The following BICRA variants were observed in gnomAD, a reference collection of about 807,000 sequenced individuals.
The protein encoded by BICRA is BRD4 interacting chromatin remodeling complex associated protein, also known as BRD4-interacting chromatin-remodeling complex-associated protein.
In BICRA, 31 loss-of-function variants were observed where a neutral mutation model predicts 96.9. The ratio of observed to expected loss-of-function variants is 0.32; its 90% CI spans 0.24 to 0.43. The LOEUF (loss-of-function observed/expected upper bound fraction) is 0.43. BICRA is among the 20% of genes least tolerant of loss of function. BICRA has a pLI of 1.00. For synonymous variants in BICRA, 1,350 were observed against 1,071.8 expected (o/e 1.26, Z -5.07); for missense variants, 2,283 against 2,190.3 (o/e 1.04, Z -0.84).
intron 1 of BICRA, among the ~76,000 whole-genome samples, chr19:47,630,159 C>CTTTTTT (rs778786532): frequency 8.7e-5 from 9 of 103,430 alleles, no homozygotes; most frequent in Non-Finnish European, 1.1e-4. Context: ...TTGGCCAATT[C>CTTTTTT]TTTTTTTTTT....
intron 1 of BICRA, among the ~76,000 whole-genome samples, chr19:47,611,119 C>T (rs1409236579): frequency 6.7e-6 from 1 of 149,146 alleles, no homozygotes; most frequent in East Asian, 1.9e-4. Context: ...CCCTGGGTCA[C>T]ACAGAGCCCC....
At chr19:47,622,597 G>A (rs1322158645) in intron 1 of BICRA, among the ~76,000 whole-genome samples, 5 of 151,254 alleles carry the variant, frequency 3.3e-5, no homozygotes, top group African/African-American at 9.7e-5. Context: ...AGTGGCTGGC[G>A]CCTGTAGTCC....
chr19:47,633,521 A>G (rs1354079341), intron 1 of BICRA, among the ~76,000 whole-genome samples: 3 of 152,144 alleles, frequency 2.0e-5, no homozygotes, highest in Admixed American at 1.3e-4. Flanking sequence ...TTTTAAATTT[A>G]AGGCCTAATA....
rs537190582 is a variant in BICRA, at chr19:47,694,082, C to G, written c.2284-33C>G. The G allele has an allele frequency of 1.1e-5, 15 of 1,424,242 alleles. 1 individual carries two copies. In the East Asian group the frequency reaches 2.7e-4, roughly 26 times the overall value. 88.2% of individuals were successfully genotyped at this position (1,424,242 alleles called of 1,614,324 possible). ...AGGAGCTATGGTTGGTTCTGACCCC[C>G]GCCCCTCCCCTCTCCCTCCCTCCCC... is the stretch of plus-strand genomic sequence containing the variant. On this transcript the variant is annotated intron_variant, in intron 7 of 14. Transcript: ENST00000594866.
In BICRA at chr19:47,702,638, C is replaced by T. The variant is rs936913599; in HGVS notation, c.*223C>T. 1 of 536,042 alleles carries T rather than the reference C, an allele frequency of 1.9e-6. No individual in the cohort carries two copies. Among genetic ancestry groups the T allele is most frequent in the Non-Finnish European group, 3.2e-6 (1 of 314,084 alleles). The allele number at this position is 536,042 out of a possible 1,614,324, so 33.2% of individuals were successfully genotyped here. ...GGGGGCTGTGATGTAAAACGTCTCC[C>T]CTGCCAAAGGAGGGGCAAAGTGCTG... On this transcript the variant is annotated 3_prime_UTR_variant, in exon 15 of 15. Transcript: ENST00000594866.
At chr19:47,645,662 T>C (rs971346550) in intron 1 of BICRA, among the ~76,000 whole-genome samples, 16 of 152,200 alleles carry the variant, frequency 1.1e-4, no homozygotes, top group Admixed American at 9.2e-4. Context: ...AAAAGTAGCT[T>C]GTAATCCTGT....
Position 47,699,288 on chromosome 19 carries a change from T to C in BICRA, c.3493-15T>C, listed in dbSNP as rs761541302. On this transcript the variant is annotated splice_polypyrimidine_tract_variant and intron_variant, in intron 13 of 14. Transcript: ENST00000594866. This position sits in a 1 kb window ranked among gnomAD's most constrained non-coding sequence, Gnocchi z 5.0. ...TTGCTGGTTCACTCGCACGTCGTCT[T>C]TTCCCCCACCCCAGAGGGTGAGCCC... 27 of 1,500,030 alleles carry C rather than the reference T, an allele frequency of 1.8e-5. No homozygotes were observed. The South Asian group carries it at 2.9e-4, about 16-fold the overall frequency. 92.9% of individuals were successfully genotyped at this position (1,500,030 alleles called of 1,614,324 possible).
At chr19:47,663,652 CTGTGG>C (rs1287903854) in intron 1 of BICRA, 2 of 152,194 alleles carry the variant, frequency 1.3e-5, no homozygotes, top group African/African-American at 4.8e-5. Flanking sequence ...ATTTGCACAA[CTGTGG>C]TTACTCTAAC....
At position 47,699,135 on chromosome 19, in the gene BICRA, G is replaced by A. The variant is rs1973399259; in HGVS notation, c.3492+76G>A. 8 of 1,142,516 alleles carry A rather than the reference G, an allele frequency of 7.0e-6. No homozygotes were observed. The highest frequency in any genetic ancestry group is 4.0e-5 in the Admixed American group (2 of 50,460). The allele number at this position is 1,142,516 out of a possible 1,614,324, so 70.8% of individuals were successfully genotyped here. Reference sequence around the variant, plus strand: ...CTGCCCCTTTCCCTCACCCGCTCTGGGCAAGGTGGAGCCTCCCGCCCCTCC... The same window carrying A: ...CTGCCCCTTTCCCTCACCCGCTCTGAGCAAGGTGGAGCCTCCCGCCCCTCC... On this transcript the variant is annotated intron_variant, in intron 13 of 14. Coordinates refer to ENST00000594866, the MANE Select transcript of BICRA (RefSeq NM_001394372.1). The surrounding 1 kb of genome is among the most constrained non-coding windows in gnomAD (Gnocchi z 5.0).
chr19:47,638,507 C>T (rs1482741492), intron 1 of BICRA, among the ~76,000 whole-genome samples: 1 of 152,142 alleles, frequency 6.6e-6, no homozygotes, highest in Non-Finnish European at 1.5e-5. Flanking sequence ...CGTCCTCTTC[C>T]CAGAGGCAAC....
At chr19:47,621,657 A>G (rs1381141998) in intron 1 of BICRA, among the ~76,000 whole-genome samples, 1 of 151,148 alleles carries the variant, frequency 6.6e-6, no homozygotes, top group Non-Finnish European at 1.5e-5. Flanking sequence ...TATTTTTAGT[A>G]GAGAGGGGGT....
In BICRA at chr19:47,620,667, C is replaced by CAAAAAAAAAAAAAA. The variant is rs10675281; in HGVS notation, c.-108+11508_-108+11521dup. 5.2e-4 allele frequency among the ~76,000 whole-genome samples: 35 copies of CAAAAAAAAAAAAAA among 67,616 alleles called. 2 individuals carry two copies. The highest frequency in any genetic ancestry group is 6.2e-4 in the Non-Finnish European group (24 of 38,854). The allele number at this position is 67,616 out of a possible 152,430, so 44.4% of individuals were successfully genotyped here. On this transcript the variant is annotated intron_variant, in intron 1 of 14. Coordinates refer to ENST00000594866, the MANE Select transcript of BICRA (RefSeq NM_001394372.1). ...CTTGGGCGACAGAGTGAGACTGTCT[C>CAAAAAAAAAAAAAA]AAAAAAAAAAAAAAAAAAAAAACAA...
Position 47,681,282 on chromosome 19 carries a change from C to T in BICRA, c.2106+6C>T. The T allele has an allele frequency of 6.5e-7, 1 of 1,542,640 alleles. No individual in the cohort carries two copies. Among genetic ancestry groups the T allele is most frequent in the East Asian group, 2.4e-5 (1 of 41,904 alleles). Reference sequence around the variant, plus strand: ...TGCAGATGTTCCTGCCCCAGGTAAGCAGGGCGGGGCAAGGGAGCAGGTACC... The same window carrying T: ...TGCAGATGTTCCTGCCCCAGGTAAGTAGGGCGGGGCAAGGGAGCAGGTACC... On this transcript the variant is annotated splice_donor_region_variant and intron_variant, in intron 6 of 14. Transcript: ENST00000594866.
rs1301943497 is a variant in BICRA, at chr19:47,675,743, T to A, written c.85-108T>A. On this transcript the variant is annotated intron_variant, in intron 4 of 14. Coordinates refer to ENST00000594866, the MANE Select transcript of BICRA (RefSeq NM_001394372.1). This position sits in a 1 kb window ranked among gnomAD's most constrained non-coding sequence, Gnocchi z 4.7. ...TTCCCATACCCCCAGCCCTCTCCCATCCCAACCCTTGTCTTTTTGTCCTGA... is the reference window on the plus strand; with the variant it reads ...TTCCCATACCCCCAGCCCTCTCCCAACCCAACCCTTGTCTTTTTGTCCTGA... 1.2e-6 allele frequency: 1 copy of A among 851,008 alleles called. No individual in the cohort carries two copies. Among genetic ancestry groups the A allele is most frequent in the Non-Finnish European group, 2.0e-6 (1 of 508,730 alleles). 52.7% of individuals were successfully genotyped at this position (851,008 alleles called of 1,614,324 possible). A position where few individuals can be genotyped will look rare whatever the true frequency, so the allele number is the denominator to read the frequency against.
chr19:47,677,689 T>A (rs553991634), intron 5 of BICRA, among the ~76,000 whole-genome samples: 6 of 152,166 alleles, frequency 3.9e-5, no homozygotes, highest in Non-Finnish European at 8.8e-5. Flanking sequence ...GAGTGGAAAC[T>A]CCGTCTCAAA....
intron 1 of BICRA, among the ~76,000 whole-genome samples, chr19:47,650,180 G>A (rs1364360458): frequency 2.0e-5 from 3 of 151,948 alleles, no homozygotes; most frequent in African/African-American, 7.3e-5. Context: ...CACCTAGGAT[G>A]GAGTGCAGTG....
At position 47,688,463 on chromosome 19, in the gene BICRA, T is replaced by G. The variant is rs143988136; in HGVS notation, c.2284-5652T>G. On this transcript the variant is annotated intron_variant, in intron 7 of 14. Coordinates refer to ENST00000594866, the MANE Select transcript of BICRA (RefSeq NM_001394372.1). ...GAACAAAGAAGAAAAATAAGTCACATGTAATACCACTGTGTGCAAGCAGTT... is the reference window on the plus strand; with the variant it reads ...GAACAAAGAAGAAAAATAAGTCACAGGTAATACCACTGTGTGCAAGCAGTT... Among the ~76,000 whole-genome samples the G allele has an allele frequency of 7.3e-3, 1,116 of 152,182 alleles. 11 individuals carry two copies. Among genetic ancestry groups the G allele is most frequent in the Non-Finnish European group, 0.01 (709 of 67,990 alleles).
rs1182333203 is a variant in BICRA, at chr19:47,673,559, AC to A, written c.-5-7del. The stretch of plus-strand genomic sequence containing the variant: ...TCTCCCTCGCCCTCTTCCTGACCCC[AC>A]CCCATCCAGTGGCGATGGATGATGA... On this transcript the variant is annotated splice_polypyrimidine_tract_variant and intron_variant, in intron 2 of 14. Transcript: ENST00000594866. The A allele has an allele frequency of 3.0e-5, 48 of 1,608,740 alleles. No homozygotes were observed. The highest frequency in any genetic ancestry group is 4.0e-5 in the Non-Finnish European group (47 of 1,175,610).
intron 1 of BICRA, among the ~76,000 whole-genome samples, chr19:47,644,978 G>A (rs184187900): frequency 6.6e-6 from 1 of 152,162 alleles, no homozygotes. Context: ...GGAATGACAC[G>A]AACGTGCATT....
Sources: allele counts gnomAD v4.1 joint callset (sites outside exome capture counted in the v4.1 genomes callset), GRCh38; gene constraint gnomAD v4.1.1; non-coding constraint Gnocchi (gnomAD v3.1); transcripts MANE v1.5; gene names NCBI Gene and HGNC (gene_info 2026-07-23, HGNC 2026-07-21).